CTNNA2: variants seen among roughly 807,000 people sequenced by gnomAD.
CTNNA2 encodes catenin alpha 2, also known as catenin alpha-2.
A neutral mutation model predicts 101.0 loss-of-function variants in CTNNA2; 42 were observed. The observed-to-expected ratio is 0.42, with a 90% CI of 0.32 to 0.54. The LOEUF (loss-of-function observed/expected upper bound fraction) is 0.54, where lower values mean the gene tolerates loss of function less well. CTNNA2 is among the 20% of genes least tolerant of loss of function. The pLI, the probability that CTNNA2 is intolerant of heterozygous loss-of-function variation, is 0.14. For missense variants in CTNNA2, 871 were observed against 1,223.1 expected (o/e 0.71, Z 4.29); for synonymous variants, 450 against 456.4 (o/e 0.99, Z 0.18).
intron 4 of CTNNA2, among the ~76,000 whole-genome samples, chr2:79,471,848 A>C (rs1301279612): frequency 6.6e-6 from 1 of 151,940 alleles, no homozygotes; most frequent in African/African-American, 2.4e-5. Context: ...AAAAAACAAA[A>C]AAAAAAGATT....
At chr2:80,453,098 T>C (rs961583264) in intron 9 of CTNNA2, among the ~76,000 whole-genome samples, 3 of 152,146 alleles carry the variant, frequency 2.0e-5, no homozygotes, top group African/African-American at 7.2e-5. Context: ...CTGATGTTCC[T>C]GAGGGTACTT....
At chr2:80,331,781 C>T (rs960480158) in intron 7 of CTNNA2, among the ~76,000 whole-genome samples, 24 of 152,104 alleles carry the variant, frequency 1.6e-4, no homozygotes, top group African/African-American at 5.8e-4. Context: ...TTTTTCTTCC[C>T]AATCCCCATT....
chr2:79,288,352 A>G lies in CTNNA2; in HGVS notation c.-405-24357A>G, dbSNP rs77819811. Among the ~76,000 whole-genome samples, 385 of 152,242 alleles carry G rather than the reference A, an allele frequency of 2.5e-3. 5 individuals are homozygous for G. The highest frequency in any genetic ancestry group is 4.5e-3 in the Non-Finnish European group (305 of 68,016). On this transcript the variant is annotated intron_variant, in intron 2 of 21. Coordinates refer to the CTNNA2 transcript ENST00000466387. The stretch of plus-strand genomic sequence containing the variant: ...TCTCTGCATAGTAAACTACCTGAAA[A>G]CTTAGTGAATAAAACTAAAATGTAT...
At chr2:79,965,436 A>G (rs1689971497) in intron 7 of CTNNA2, among the ~76,000 whole-genome samples, 1 of 152,208 alleles carries the variant, frequency 6.6e-6, no homozygotes. Context: ...AAAATTTGAC[A>G]TATTGAACAT....
intron 9 of CTNNA2, among the ~76,000 whole-genome samples, chr2:80,442,523 C>G (rs1247746100): frequency 6.6e-6 from 1 of 152,188 alleles, no homozygotes; most frequent in Non-Finnish European, 1.5e-5. Flanking sequence ...TGCTTTTGTT[C>G]CTTAATACAC....
At chr2:79,983,867 A>G (rs1691568247) in intron 7 of CTNNA2, among the ~76,000 whole-genome samples, 1 of 152,108 alleles carries the variant, frequency 6.6e-6, no homozygotes, top group Non-Finnish European at 1.5e-5. Flanking sequence ...CTAGCCTGGG[A>G]ACTGACTCAC....
At chr2:80,141,307 C>G (rs1024789207) in intron 7 of CTNNA2, among the ~76,000 whole-genome samples, 147 of 151,866 alleles carry the variant, frequency 9.7e-4, no homozygotes, top group African/African-American at 3.5e-3. Context: ...ACACAGTTTC[C>G]TTGAAGGAAT....
intron 7 of CTNNA2, among the ~76,000 whole-genome samples, chr2:80,197,602 AC>A (rs1706919269): frequency 6.6e-6 from 1 of 152,066 alleles, no homozygotes; most frequent in African/African-American, 2.4e-5. Flanking sequence ...GTGCTCTCCC[AC>A]CTCAGAACAT....
chr2:79,728,310 G>C (rs1045517143), intron 2 of CTNNA2, among the ~76,000 whole-genome samples: 3 of 152,140 alleles, frequency 2.0e-5, no homozygotes, highest in African/African-American at 7.2e-5. Flanking sequence ...GTTTTGATTT[G>C]CATTTCTCTG....
At chr2:79,752,030 T>C (rs372482971) in intron 3 of CTNNA2, among the ~76,000 whole-genome samples, 72 of 152,164 alleles carry the variant, frequency 4.7e-4, no homozygotes, top group African/African-American at 1.7e-3. Context: ...GGCTAATTAA[T>C]TGGGAAGTCT....
intron 7 of CTNNA2, among the ~76,000 whole-genome samples, chr2:79,956,843 G>GTTTTTTTTTTCTTTTTT (rs1302247404): frequency 6.1e-5 from 6 of 98,906 alleles, no homozygotes; most frequent in African/African-American, 1.4e-4. Flanking sequence ...ATACGTGTGG[G>GTTTTTTTTTTCTTTTTT]TTTTTTTTTT....
chr2:80,433,648 A>G (rs1307479645), intron 9 of CTNNA2, among the ~76,000 whole-genome samples: 1 of 152,094 alleles, frequency 6.6e-6, no homozygotes, highest in Non-Finnish European at 1.5e-5. Flanking sequence ...GCTCTAATTC[A>G]TAAGTTAAAC....
At chr2:80,203,303 C>G (rs1268978648) in intron 7 of CTNNA2, among the ~76,000 whole-genome samples, 1 of 152,186 alleles carries the variant, frequency 6.6e-6, no homozygotes, top group African/African-American at 2.4e-5. Context: ...CAAAAGTCCA[C>G]ATTCCAAAGT....
At chr2:80,230,054 A>G (rs552093656) in intron 7 of CTNNA2, among the ~76,000 whole-genome samples, 1 of 152,210 alleles carries the variant, frequency 6.6e-6, no homozygotes, top group African/African-American at 2.4e-5. Flanking sequence ...CATGCTAGAC[A>G]TGTTTGTAGC....
At chr2:80,080,739 G>A (rs952476962) in intron 7 of CTNNA2, among the ~76,000 whole-genome samples, 1 of 152,042 alleles carries the variant, frequency 6.6e-6, no homozygotes, top group Non-Finnish European at 1.5e-5. Flanking sequence ...AGTCCCCAGT[G>A]ACCTTTGTTT....
intron 1 of CTNNA2, among the ~76,000 whole-genome samples, chr2:79,513,908 A>G (rs1671667582): frequency 1.3e-5 from 2 of 152,088 alleles, no homozygotes; most frequent in African/African-American, 4.8e-5. Flanking sequence ...ACGAAAAAGG[A>G]GAAGAGAGGA....
intron 7 of CTNNA2, among the ~76,000 whole-genome samples, chr2:80,386,455 G>T (rs191160910): frequency 5.3e-5 from 8 of 152,234 alleles, no homozygotes; most frequent in Non-Finnish European, 8.8e-5. Flanking sequence ...AATGTTCAAG[G>T]TTCTATAAAT....
At position 80,513,534 on chromosome 2, in the gene CTNNA2, C is replaced by A. The variant is rs192687399; in HGVS notation, c.1291-31448C>A. ...GTGGCCACTATATAGCTTTGTATTT[C>A]TTTTATTGAATGTGTGGTTGCATAT... On this transcript the variant is annotated intron_variant, in intron 9 of 18. Transcript: ENST00000402739. 2.6e-5 allele frequency among the ~76,000 whole-genome samples: 4 copies of A among 152,314 alleles called. No homozygotes were observed. The East Asian group carries it at 7.7e-4, about 29-fold the overall frequency.
At chr2:80,318,491 CTATA>C (rs1678349289) in intron 7 of CTNNA2, among the ~76,000 whole-genome samples, 1 of 152,118 alleles carries the variant, frequency 6.6e-6, no homozygotes, top group East Asian at 1.9e-4. Context: ...AATTCCTTCT[CTATA>C]TAAAGAGTGG....
Sources: gnomAD v4.1 joint callset for allele counts (sites outside exome capture counted in the v4.1 genomes callset) on GRCh38, gnomAD v4.1.1 for gene constraint, MANE v1.5 for transcripts, NCBI Gene and HGNC (gene_info 2026-07-23, HGNC 2026-07-21) for gene names.